Variants in IQCH observed in about 807,000 individuals in gnomAD.
The protein encoded by IQCH is IQ motif containing H.
A neutral mutation model predicts 117.0 loss-of-function variants in IQCH; 98 were observed. The ratio of observed to expected loss-of-function variants is 0.84; its 90% CI spans 0.71 to 0.99. The LOEUF (loss-of-function observed/expected upper bound fraction) is 0.99. Among genes scored for constraint, IQCH ranks in the 50% least tolerant of loss-of-function variants. The probability of loss-of-function intolerance (pLI) is 0.00; values close to 1 mark genes in which losing one functional copy is unlikely to be tolerated. For synonymous variants in IQCH, 412 were observed against 448.2 expected (o/e 0.92, Z 1.02); for missense variants, 1,102 against 1,243.8 (o/e 0.89, Z 1.72).
At chr15:67,367,442 G>A (rs979274279) in intron 8 of IQCH, among the ~76,000 whole-genome samples, 1 of 152,238 alleles carries the variant, frequency 6.6e-6, no homozygotes, top group African/African-American at 2.4e-5. Flanking sequence ...GGGAAGCTGA[G>A]GTGAGAGGAT....
intron 4 of IQCH, among the ~76,000 whole-genome samples, chr15:67,326,236 C>A (rs149284876): frequency 6.6e-6 from 1 of 152,084 alleles, no homozygotes; most frequent in African/African-American, 2.4e-5. Context: ...TTTGTCCTTG[C>A]GATAGTTTGC....
chr15:67,354,610 A>T (rs74892931), intron 6 of IQCH, among the ~76,000 whole-genome samples: 67,021 of 151,592 alleles, frequency 0.44, 15,288 homozygotes, highest in Non-Finnish European at 0.52. Context: ...ACATGCAATA[A>T]GACAAAGTAT....
rs1273193113 is a variant in IQCH at position 67,431,843 on chromosome 15, T to C, written c.2505+10266T>C. Among the ~76,000 whole-genome samples, 2 of 152,228 alleles carry C rather than the reference T, an allele frequency of 1.3e-5. No individual in the cohort carries two copies. Among genetic ancestry groups the C allele is most frequent in the South Asian group, 2.1e-4 (1 of 4,828 alleles). The stretch of plus-strand genomic sequence containing the variant: ...ATGGAAAAAGGAAAAAAAGTTCTTT[T>C]AGCCTGGGCATCAAGACTCATCTCT... On this transcript the variant is annotated intron_variant, in intron 16 of 20. Coordinates refer to ENST00000335894, the MANE Select transcript of IQCH (RefSeq NM_001031715.3). The surrounding 1 kb of genome is among the most constrained non-coding windows in gnomAD (Gnocchi z 4.8).
At chr15:67,304,526 A>G (rs1010322576) in intron 4 of IQCH, 2 of 730,270 alleles carry the variant, frequency 2.7e-6, no homozygotes, top group Non-Finnish European at 4.4e-6. Flanking sequence ...GTAGTGTAAG[A>G]TGTAATGTAG....
intron 4 of IQCH, among the ~76,000 whole-genome samples, chr15:67,325,446 A>G (rs906452555): frequency 2.0e-5 from 3 of 152,146 alleles, no homozygotes; most frequent in African/African-American, 7.2e-5. Flanking sequence ...ACCTTTGTCA[A>G]TTGTTTATGT....
intron 4 of IQCH, among the ~76,000 whole-genome samples, chr15:67,288,889 C>T (rs896360623): frequency 1.3e-5 from 2 of 152,086 alleles, no homozygotes; most frequent in African/African-American, 2.4e-5. Context: ...AAAGGGTGGG[C>T]TTATGCAAAC....
At chr15:67,362,271 A>T (rs1970168870) in intron 8 of IQCH, among the ~76,000 whole-genome samples, 2 of 152,028 alleles carry the variant, frequency 1.3e-5, no homozygotes, top group Non-Finnish European at 2.9e-5. Context: ...TGTGTTTAAA[A>T]CTTTTCCAAA....
chr15:67,394,279 T>C (rs775702850), intron 12 of IQCH, among the ~76,000 whole-genome samples: 5 of 152,220 alleles, frequency 3.3e-5, no homozygotes, highest in Non-Finnish European at 5.9e-5. Flanking sequence ...GTCTTTATTG[T>C]ATCCAAGGCA....
At chr15:67,360,638 A>G (rs8042007) in intron 8 of IQCH, among the ~76,000 whole-genome samples, 31,949 of 152,274 alleles carry the variant, frequency 0.21, 4,076 homozygotes, top group East Asian at 0.47. Context: ...ACTTGTTATC[A>G]TAACTCATTG....
chr15:67,266,526 A>G (rs548062339), intron 3 of IQCH, among the ~76,000 whole-genome samples: 33 of 152,228 alleles, frequency 2.2e-4, no homozygotes, highest in South Asian at 1.0e-3. Context: ...GCGTGGTGGC[A>G]GGCGCCTGTA....
intron 7 of IQCH, among the ~76,000 whole-genome samples, chr15:67,357,729 A>G (rs1969952273): frequency 6.6e-6 from 1 of 152,184 alleles, no homozygotes; most frequent in Admixed American, 6.5e-5. Context: ...CCAAATTTGT[A>G]TGGTATAGGA....
intron 8 of IQCH, among the ~76,000 whole-genome samples, chr15:67,362,416 C>T (rs1869151929): frequency 6.6e-6 from 1 of 152,110 alleles, no homozygotes; most frequent in African/African-American, 2.4e-5. Flanking sequence ...ATTGTAATCT[C>T]AAATTTGGGG....
At chr15:67,399,829 ATTCT>A (rs1328599100) in intron 13 of IQCH, among the ~76,000 whole-genome samples, 1 of 152,232 alleles carries the variant, frequency 6.6e-6, no homozygotes, top group African/African-American at 2.4e-5. Flanking sequence ...GCATTCAAGG[ATTCT>A]TTCTTTTGCC....
intron 3 of IQCH, among the ~76,000 whole-genome samples, chr15:67,277,882 T>C (rs1966195272): frequency 6.6e-6 from 1 of 152,068 alleles, no homozygotes; most frequent in African/African-American, 2.4e-5. Context: ...TGTCTTTGGG[T>C]TTCCTTAGAA....
At chr15:67,306,100 ATAGT>A (rs1967279955) in intron 4 of IQCH, among the ~76,000 whole-genome samples, 1 of 152,106 alleles carries the variant, frequency 6.6e-6, no homozygotes, top group African/African-American at 2.4e-5. Flanking sequence ...TTTTGATCAA[ATAGT>A]TAGTTGACCC....
Position 67,365,394 on chromosome 15 carries a change from A to G in IQCH, c.753+5509A>G, listed in dbSNP as rs1014826323. 3.3e-5 allele frequency among the ~76,000 whole-genome samples: 5 copies of G among 152,278 alleles called. No homozygotes were observed. In the East Asian group the frequency reaches 7.7e-4, roughly 24 times the overall value. On this transcript the variant is annotated intron_variant, in intron 8 of 20. Coordinates refer to ENST00000335894, the MANE Select transcript of IQCH (RefSeq NM_001031715.3). This position sits in a 1 kb window ranked among gnomAD's most constrained non-coding sequence, Gnocchi z 4.4. Reference sequence around the variant, plus strand: ...TGCTGTGAACCCAGTCCAACTGGCTATAAGCTTAAATTTTAGTATTCACAC... The same window carrying G: ...TGCTGTGAACCCAGTCCAACTGGCTGTAAGCTTAAATTTTAGTATTCACAC...
rs551929290 is a variant in IQCH at position 67,453,789 on chromosome 15, G to A, written c.2506-11338G>A. ...ATTTAAGTCTGCAGAGGTTACTGCT[G>A]TCTTTTTGTTTGTCTGTGCCCTGCC... On this transcript the variant is annotated intron_variant, in intron 16 of 20. Coordinates refer to ENST00000335894, the MANE Select transcript of IQCH (RefSeq NM_001031715.3). The surrounding 1 kb of genome is among the most constrained non-coding windows in gnomAD (Gnocchi z 5.8). Among the ~76,000 whole-genome samples the A allele has an allele frequency of 9.8e-5, 15 of 152,362 alleles. No homozygotes were observed. The East Asian group carries it at 2.9e-3, about 29-fold the overall frequency.
intron 18 of IQCH, among the ~76,000 whole-genome samples, chr15:67,484,874 T>C (rs537419075): frequency 1.3e-5 from 2 of 152,130 alleles, no homozygotes; most frequent in Admixed American, 1.3e-4. Context: ...GCTGCTACAA[T>C]TTTCCATCTT....
chr15:67,374,500 C>T (rs1186880825), intron 10 of IQCH, among the ~76,000 whole-genome samples: 1 of 152,030 alleles, frequency 6.6e-6, no homozygotes, highest in Non-Finnish European at 1.5e-5. Context: ...ACATTTAAAT[C>T]ATTATACAAT....
Sources: allele counts gnomAD v4.1 joint callset (sites outside exome capture counted in the v4.1 genomes callset), GRCh38; gene constraint gnomAD v4.1.1; non-coding constraint Gnocchi (gnomAD v3.1); transcripts MANE v1.5; gene names NCBI Gene and HGNC (gene_info 2026-07-23, HGNC 2026-07-21).